RSPH14: variants seen among roughly 807,000 people sequenced by gnomAD.
RSPH14 encodes the protein radial spoke head 14 homolog, also known as rhabdoid tumor deletion region gene 1.
A neutral mutation model predicts 26.7 loss-of-function variants in RSPH14; 20 were observed. That is an observed-to-expected ratio of 0.75 (90% CI 0.53 to 1.09). The LOEUF is 1.09. Ranked by LOEUF, RSPH14 falls within the 50% of genes least tolerant of loss-of-function variation. The probability of loss-of-function intolerance (pLI) is 0.00; values close to 1 mark genes in which losing one functional copy is unlikely to be tolerated. For missense variants in RSPH14, 449 were observed against 457.2 expected (o/e 0.98, Z 0.16); for synonymous variants, 177 against 189.3 (o/e 0.93, Z 0.53).
chr22:23,076,703 C>T (rs1312788712), intron 4 of RSPH14, among the ~76,000 whole-genome samples: 1 of 152,210 alleles, frequency 6.6e-6, no homozygotes, highest in African/African-American at 2.4e-5. Context: ...GAGTGATGAC[C>T]TTCAGAGGCA....
At chr22:23,123,483 G>T (rs373931380) in intron 4 of RSPH14, 1 of 1,216,358 alleles carries the variant, frequency 8.2e-7, no homozygotes, top group South Asian at 1.3e-5. Context: ...GGGGTGTCAT[G>T]CCCCAACGCG....
At chr22:23,126,083 G>A (rs1416565523) in intron 4 of RSPH14, among the ~76,000 whole-genome samples, 1 of 152,316 alleles carries the variant, frequency 6.6e-6, no homozygotes, top group Non-Finnish European at 1.5e-5. Flanking sequence ...AAGAAATAAC[G>A]TGTGACTTAA....
At chr22:23,132,886 G>A (rs760704416) in intron 4 of RSPH14, 6 of 146,282 alleles carry the variant, frequency 4.1e-5, no homozygotes, top group African/African-American at 7.6e-5. Context: ...CCCATCTCGG[G>A]AGGTCGCCAT....
At chr22:23,120,684 T>G (rs1024165874) in intron 4 of RSPH14, among the ~76,000 whole-genome samples, 1 of 151,830 alleles carries the variant, frequency 6.6e-6, no homozygotes, top group African/African-American at 2.4e-5. Flanking sequence ...AACCCCCAGG[T>G]CCATACCCTG....
chr22:23,158,820 G>A, the RSPH14 span: 1 of 1,297,068 alleles, frequency 7.7e-7, no homozygotes, highest in Non-Finnish European at 1.1e-6. Flanking sequence ...GCCCTGGGGA[G>A]GTCCCAAGTG....
intron 4 of RSPH14, among the ~76,000 whole-genome samples, chr22:23,125,907 GCA>G (rs1301836369): frequency 6.6e-6 from 1 of 151,876 alleles, no homozygotes; most frequent in South Asian, 2.1e-4. Flanking sequence ...GGGTCGGCAG[GCA>G]CACACACGCA....
chr22:23,169,767 A>G, the RSPH14 span, among the ~76,000 whole-genome samples: 2 of 152,094 alleles, frequency 1.3e-5, no homozygotes, highest in Non-Finnish European at 2.9e-5. Context: ...TCATGAGCAG[A>G]GCCATTGCAC....
At chr22:23,078,962 G>T (rs1044214798) in intron 4 of RSPH14, among the ~76,000 whole-genome samples, 14 of 152,178 alleles carry the variant, frequency 9.2e-5, no homozygotes, top group African/African-American at 3.4e-4. Context: ...GGCCTTTCCA[G>T]AAGACCTCCC....
At chr22:23,074,811 G>C (rs2146251286) in intron 4 of RSPH14, among the ~76,000 whole-genome samples, 1 of 152,246 alleles carries the variant, frequency 6.6e-6, no homozygotes, top group East Asian at 1.9e-4. Flanking sequence ...AAGCAGGCAG[G>C]GCATGCCCAG....
At chr22:23,146,748 C>G, upstream of RSPH14, 2 of 1,587,920 alleles carry the variant, frequency 1.3e-6, no homozygotes, top group Non-Finnish European at 8.6e-7. Context: ...TCTCCCCACT[C>G]TACACTCATG....
At chr22:23,131,593 T>C (rs1463579175) in intron 4 of RSPH14, 4 of 1,302,654 alleles carry the variant, frequency 3.1e-6, no homozygotes, top group Non-Finnish European at 4.1e-6. Flanking sequence ...ACAATCATTG[T>C]AAGAGGACTG....
rs747996426 is a variant in RSPH14 at position 23,061,863 on chromosome 22, G to C, written c.736C>G (p.His246Asp). The C allele has an allele frequency of 6.2e-7, 1 of 1,614,138 alleles. No individual in the cohort carries two copies. Among genetic ancestry groups the C allele is most frequent in the Admixed American group, 1.7e-5 (1 of 60,020 alleles). Residue 246 changes from histidine (H) to aspartate (D), a missense_variant, in exon 6 of 7, where the codon CAT (histidine) becomes GAT (aspartate). By Grantham distance (81) the His-to-Asp change is moderately conservative. Coordinates refer to ENST00000216036, the MANE Select transcript of RSPH14 (RefSeq NM_014433.3). ...GCACCGGCAGCGTTAGACTTCACAT[G>C]CTCCACTGGGTCTTTCAGCAGATGG... ...LVHLLKDPVE[H>D]VKSNAAGALM...
At chr22:23,170,308 T>A in the RSPH14 span, among the ~76,000 whole-genome samples, 4 of 152,110 alleles carry the variant, frequency 2.6e-5, no homozygotes, top group Non-Finnish European at 4.4e-5. Context: ...TTTCTCACAG[T>A]CCCGGAGGCT....
chr22:23,098,998 A>T (rs1343290531), intron 4 of RSPH14, among the ~76,000 whole-genome samples: 2 of 152,246 alleles, frequency 1.3e-5, no homozygotes, highest in African/African-American at 2.4e-5. Flanking sequence ...GCTCGTTTTC[A>T]CAAAAGCCGA....
intron 4 of RSPH14, among the ~76,000 whole-genome samples, chr22:23,096,636 G>T (rs541816199): frequency 8.5e-5 from 13 of 152,306 alleles, no homozygotes; most frequent in Admixed American, 7.2e-4. Flanking sequence ...AGTACTCAGG[G>T]TGTGGAGGCC....
At chr22:23,143,209 T>C (rs1415088044), upstream of RSPH14, among the ~76,000 whole-genome samples, 1 of 151,764 alleles carries the variant, frequency 6.6e-6, no homozygotes, top group Non-Finnish European at 1.5e-5. Context: ...GAGGGTTGCT[T>C]GAGCCCAAGA....
At chr22:23,083,263 A>T (rs1323633352) in intron 4 of RSPH14, among the ~76,000 whole-genome samples, 1 of 152,102 alleles carries the variant, frequency 6.6e-6, no homozygotes, top group Non-Finnish European at 1.5e-5. Context: ...AGGGGAGGGT[A>T]GACCCAGGCA....
At chr22:23,126,142 A>T (rs966737609) in intron 4 of RSPH14, among the ~76,000 whole-genome samples, 1 of 152,254 alleles carries the variant, frequency 6.6e-6, no homozygotes. Flanking sequence ...TGAAAAGAGC[A>T]GTAATTTCGC....
chr22:23,132,942 A>G (rs2146436339), intron 4 of RSPH14: 2 of 152,256 alleles, frequency 1.3e-5, no homozygotes, highest in African/African-American at 4.8e-5. Context: ...AGGGCACTAC[A>G]GCCTAGAACT....
Sources: allele counts gnomAD v4.1 joint callset (sites outside exome capture counted in the v4.1 genomes callset), GRCh38; gene constraint gnomAD v4.1.1; transcripts MANE v1.5; gene names NCBI Gene and HGNC (gene_info 2026-07-23, HGNC 2026-07-21).